Variants in TTC39A observed in about 807,000 individuals in gnomAD.
TTC39A encodes the protein tetratricopeptide repeat protein 39A.
A neutral mutation model predicts 82.3 loss-of-function variants in TTC39A; 46 were observed. The ratio of observed to expected loss-of-function variants is 0.56; its 90% CI spans 0.44 to 0.71. The LOEUF is 0.71. TTC39A is among the 30% of genes least tolerant of loss of function. TTC39A has a pLI of 0.00. For missense variants in TTC39A, 543 were observed against 712.9 expected, an observed-to-expected ratio of 0.76 and a Z score of 2.71; for synonymous variants, 254 against 275.2, an observed-to-expected ratio of 0.92 and a Z score of 0.76.
At chr1:51,316,967 A>G (rs1645308848) in intron 2 of TTC39A, among the ~76,000 whole-genome samples, 2 of 152,244 alleles carry the variant, frequency 1.3e-5, no homozygotes, top group African/African-American at 4.8e-5. Context: ...AACCACGATC[A>G]TGTAATTCAA....
At chr1:51,293,534 T>C (rs993446406) in intron 14 of TTC39A, among the ~76,000 whole-genome samples, 2 of 152,224 alleles carry the variant, frequency 1.3e-5, no homozygotes, top group African/African-American at 4.8e-5. Flanking sequence ...GAATCTATTA[T>C]TATACCCATT....
At chr1:51,330,770 G>A, upstream of TTC39A, 1 of 432,188 alleles carries the variant, frequency 2.3e-6, no homozygotes, top group South Asian at 3.8e-5. The surrounding 1 kb of genome is among the most constrained non-coding windows in gnomAD (Gnocchi z 4.5). Flanking sequence ...CACCGCCCGG[G>A]CCGGGAGCTC....
chr1:51,315,378 C>T (rs1645245031), intron 2 of TTC39A, among the ~76,000 whole-genome samples: 1 of 152,202 alleles, frequency 6.6e-6, no homozygotes, highest in South Asian at 2.1e-4. Flanking sequence ...TTTGTATTTG[C>T]ATATATATCA....
chr1:51,320,321 A>G lies in TTC39A; in HGVS notation c.146+1400T>C, dbSNP rs974775615. Reference sequence around the variant, plus strand: ...ACTCTAGAAGGAAATAGTCTCGCACATGATTTTCTTTGCAATAAGCATTAA... The same window carrying G: ...ACTCTAGAAGGAAATAGTCTCGCACGTGATTTTCTTTGCAATAAGCATTAA... On this transcript the variant is annotated intron_variant, in intron 2 of 17. Coordinates refer to ENST00000680483, the MANE Select transcript of TTC39A (RefSeq NM_001297663.2). Among the ~76,000 whole-genome samples the G allele has an allele frequency of 1.2e-4, 18 of 152,138 alleles. 1 individual carries two copies. Among genetic ancestry groups the G allele is most frequent in the African/African-American group, 3.9e-4 (16 of 41,432 alleles).
chr1:51,339,910 C>T (rs956310418), intron 1 of TTC39A, among the ~76,000 whole-genome samples: 1 of 152,138 alleles, frequency 6.6e-6, no homozygotes, highest in African/African-American at 2.4e-5. Flanking sequence ...TGTGGAAATC[C>T]TTATGTCTAA....
At chr1:51,302,240 G>GCCCCGC (rs1644691438) in intron 11 of TTC39A, 117 bp downstream of exon 11, 1 of 512,832 alleles carries the variant, frequency 1.9e-6, no homozygotes, top group African/African-American at 2.3e-5. Flanking sequence ...TTCTCTCTTG[G>GCCCCGC]CCCCCCCCCC....
At chr1:51,305,801 C>A (rs971633969) in intron 7 of TTC39A, among the ~76,000 whole-genome samples, 176 bp downstream of exon 7, 3 of 152,168 alleles carry the variant, frequency 2.0e-5, no homozygotes, top group African/African-American at 7.2e-5. Flanking sequence ...CCCACACCAC[C>A]CCCACCCCAG....
chr1:51,303,495 G>A (rs1202832259), intron 8 of TTC39A, among the ~76,000 whole-genome samples: 1 of 152,216 alleles, frequency 6.6e-6, no homozygotes, highest in Admixed American at 6.5e-5. Context: ...CCTGCGATGG[G>A]TATTGAGGGC....
chr1:51,299,341 TG>T (rs1393457177), intron 12 of TTC39A: 1 of 152,224 alleles, frequency 6.6e-6, no homozygotes, highest in African/African-American at 2.4e-5. Context: ...CAGGCAAGCC[TG>T]TGTCTGCATA....
rs760088555 is a variant in TTC39A at position 51,288,806 on chromosome 1, G to A, written c.1610+33C>T. ...AGCTCCTGAGCTGAGTTCAGAGGGA[G>A]CAAAGGACAGACTGAGGTTACCCAA... On this transcript the variant is annotated intron_variant, in intron 17 of 17. Transcript: ENST00000680483. This position sits in a 1 kb window ranked among gnomAD's most constrained non-coding sequence, Gnocchi z 4.8. 1 of 1,559,540 alleles carries A rather than the reference G, an allele frequency of 6.4e-7. No individual in the cohort carries two copies. Among genetic ancestry groups the A allele is most frequent in the East Asian group, 2.3e-5 (1 of 42,648 alleles).
chr1:51,331,038 G>C, upstream of TTC39A: 1 of 807,392 alleles, frequency 1.2e-6, no homozygotes. Flanking sequence ...ACACGGTTTA[G>C]CACTCACTGC....
chr1:51,304,137 G>A (rs1188422273), intron 8 of TTC39A, among the ~76,000 whole-genome samples: 1 of 152,234 alleles, frequency 6.6e-6, no homozygotes, highest in Non-Finnish European at 1.5e-5. Context: ...GAAAGAGGAA[G>A]CCTGGCTGAG....
At position 51,288,205 on chromosome 1, in the gene TTC39A, A is replaced by C; in HGVS notation, c.1686T>G (p.Ser562=). ...RIQAATLQAK[S]SLENSSRSMV... is the part of the protein sequence containing the mutation. The stretch of plus-strand genomic sequence containing the variant: ...TGGATCTGCTGCTGTTCTCTAGGGA[A>C]GACTTGGCTTGGAGTGTGGCTGCCT... Residue 562 remains serine, a synonymous_variant, in exon 18 of 18, where the codon TCT becomes TCG. Coordinates refer to ENST00000680483, the MANE Select transcript of TTC39A (RefSeq NM_001297663.2). The surrounding 1 kb of genome is among the most constrained non-coding windows in gnomAD (Gnocchi z 4.8). 6.2e-7 allele frequency: 1 copy of C among 1,614,050 alleles called. No individual in the cohort carries two copies. Among genetic ancestry groups the C allele is most frequent in the Non-Finnish European group, 8.5e-7 (1 of 1,179,900 alleles).
In TTC39A at chr1:51,294,015, G is replaced by A. The variant is rs1032627999; in HGVS notation, c.1266+376C>T. Among the ~76,000 whole-genome samples, 1 of 152,234 alleles carries A rather than the reference G, an allele frequency of 6.6e-6. No individual in the cohort carries two copies. The highest frequency in any genetic ancestry group is 1.5e-5 in the Non-Finnish European group (1 of 68,044). ...ATGTGAGTTCAGAGTTGAATATAACGTGAAAAGGTTGGCCGAGTGAGGGGG... is the reference window on the plus strand; with the variant it reads ...ATGTGAGTTCAGAGTTGAATATAACATGAAAAGGTTGGCCGAGTGAGGGGG... On this transcript the variant is annotated intron_variant, in intron 14 of 17. Coordinates refer to ENST00000680483, the MANE Select transcript of TTC39A (RefSeq NM_001297663.2). This position sits in a 1 kb window ranked among gnomAD's most constrained non-coding sequence, Gnocchi z 4.3.
At chr1:51,343,114 C>T (rs1347590422) in intron 1 of TTC39A, 2 of 455,420 alleles carry the variant, frequency 4.4e-6, no homozygotes, top group African/African-American at 2.0e-5. Flanking sequence ...CAAGTGATCT[C>T]GTGCTCCTCA....
intron 6 of TTC39A, 48 bp from the exon 7 acceptor site, chr1:51,306,124 G>C: frequency 1.3e-6 from 2 of 1,534,674 alleles, no homozygotes; most frequent in Non-Finnish European, 1.8e-6. Context: ...GGGGGTGGGG[G>C]GTAGGGGCTG....
intron 11 of TTC39A, 90 bp downstream of exon 11, chr1:51,302,267 G>T: frequency 9.9e-7 from 1 of 1,005,712 alleles, no homozygotes; most frequent in Non-Finnish European, 1.5e-6. Context: ...AGTCTATCCT[G>T]TCCCTGAGTA....
At chr1:51,299,816 G>C (rs1226229077) in intron 12 of TTC39A, 2 of 152,396 alleles carry the variant, frequency 1.3e-5, no homozygotes, top group African/African-American at 4.8e-5. Context: ...AGTTCAAAAA[G>C]GTTCCCTAAG....
At chr1:51,307,861 T>C (rs1486495979) in intron 6 of TTC39A, among the ~76,000 whole-genome samples, 1 of 152,172 alleles carries the variant, frequency 6.6e-6, no homozygotes, top group Admixed American at 6.5e-5. Context: ...TTCAGTGGTA[T>C]TAACTACATT....
Sources: allele counts gnomAD v4.1 joint callset (sites outside exome capture counted in the v4.1 genomes callset), GRCh38; gene constraint gnomAD v4.1.1; non-coding constraint Gnocchi (gnomAD v3.1); transcripts MANE v1.5; gene names NCBI Gene and HGNC (gene_info 2026-07-23, HGNC 2026-07-21).